NTRK3: variants seen among roughly 807,000 people sequenced by gnomAD.
NTRK3 encodes NT-3 growth factor receptor.
A neutral mutation model predicts 91.7 loss-of-function variants in NTRK3; 24 were observed. The observed-to-expected ratio is 0.26, with a 90% confidence interval of 0.19 to 0.37. The LOEUF (loss-of-function observed/expected upper bound fraction) is 0.37, where lower values mean the gene tolerates loss of function less well. NTRK3 is among the 10% of genes least tolerant of loss of function. The pLI is 1.00. For synonymous variants in NTRK3, 483 were observed against 404.0 expected, an observed-to-expected ratio of 1.20 and a Z score of -2.34; for missense variants, 880 against 1,068.9, an observed-to-expected ratio of 0.82 and a Z score of 2.46.
At chr15:87,932,502 T>A (rs1235841026) in intron 16 of NTRK3, among the ~76,000 whole-genome samples, 4 of 152,148 alleles carry the variant, frequency 2.6e-5, no homozygotes, top group Non-Finnish European at 5.9e-5. Flanking sequence ...AGAAAATCGG[T>A]CCCCTTTTTG....
At chr15:87,979,615 T>G in intron 14 of NTRK3, 7 of 644,848 alleles carry the variant, frequency 1.1e-5, no homozygotes, top group Non-Finnish European at 1.4e-5. Context: ...AGGAGGGGAT[T>G]AACTTAAAAC....
chr15:88,101,582 G>T (rs1301539842), intron 13 of NTRK3, among the ~76,000 whole-genome samples: 1 of 152,178 alleles, frequency 6.6e-6, no homozygotes, highest in African/African-American at 2.4e-5. Flanking sequence ...GTTTATCGCG[G>T]CACTATTCAC....
chr15:87,971,380 CAGA>C (rs368861003), intron 14 of NTRK3, among the ~76,000 whole-genome samples: 42 of 152,338 alleles, frequency 2.8e-4, no homozygotes, highest in African/African-American at 9.9e-4. Flanking sequence ...GCAGTCTTGA[CAGA>C]AGTTGTTTGA....
At chr15:88,001,285 G>A (rs67835375) in intron 14 of NTRK3, among the ~76,000 whole-genome samples, 2,668 of 152,134 alleles carry the variant, frequency 0.018, 27 homozygotes, top group Middle Eastern at 0.034. Context: ...CATTCAGTGG[G>A]TTGCCTCTTC....
At chr15:88,044,360 A>G (rs1596946301) in intron 13 of NTRK3, among the ~76,000 whole-genome samples, 1 of 138,190 alleles carries the variant, frequency 7.2e-6, no homozygotes, top group Non-Finnish European at 1.5e-5. Flanking sequence ...TCCCGGGTTC[A>G]CTCCATTCTC....
intron 13 of NTRK3, among the ~76,000 whole-genome samples, chr15:88,107,889 C>T (rs1227329619): frequency 2.0e-5 from 3 of 151,844 alleles, no homozygotes; most frequent in Admixed American, 6.6e-5. Flanking sequence ...GACCAACAAG[C>T]GGGAGAGGGG....
intron 4 of NTRK3, among the ~76,000 whole-genome samples, chr15:88,183,887 A>G (rs1201332470): frequency 6.6e-6 from 1 of 151,722 alleles, no homozygotes; most frequent in African/African-American, 2.4e-5. Flanking sequence ...GAAATCTCAT[A>G]CTCCATGGGG....
At chr15:87,962,260 G>C (rs2072371592) in intron 14 of NTRK3, among the ~76,000 whole-genome samples, 1 of 152,112 alleles carries the variant, frequency 6.6e-6, no homozygotes, top group South Asian at 2.1e-4. Flanking sequence ...CTGCTCTGCT[G>C]TCTAAAGACC....
At chr15:88,168,580 C>A (rs548300564) in intron 5 of NTRK3, among the ~76,000 whole-genome samples, 34 of 152,382 alleles carry the variant, frequency 2.2e-4, no homozygotes, top group African/African-American at 8.2e-4. Context: ...CCCTTGCTGG[C>A]ATCAGCGAAG....
intron 13 of NTRK3, among the ~76,000 whole-genome samples, chr15:88,093,060 T>A (rs572290586): frequency 2.0e-5 from 3 of 150,438 alleles, no homozygotes; most frequent in Non-Finnish European, 4.4e-5. Context: ...TTTGGGGTTT[T>A]TTTTGTTTTT....
intron 14 of NTRK3, among the ~76,000 whole-genome samples, chr15:87,986,138 T>C (rs2074758460): frequency 1.3e-5 from 2 of 152,250 alleles, no homozygotes; most frequent in South Asian, 4.1e-4. Flanking sequence ...GCATCTTCTT[T>C]TCTTGCTTAA....
chr15:87,863,218 G>C (rs2064571698), exon 19 of NTRK3: 1 of 227,726 alleles, frequency 4.4e-6, no homozygotes, highest in South Asian at 1.8e-4. Context: ...GCTAAGCTAG[G>C]CTTGGTAATA....
rs1324026819 is a variant in NTRK3, at chr15:88,241,329, A to G, written c.248+14577T>C. Among the ~76,000 whole-genome samples, 1 of 152,114 alleles carries G rather than the reference A, an allele frequency of 6.6e-6. No homozygotes were observed. The highest frequency in any genetic ancestry group is 6.5e-5 in the Admixed American group (1 of 15,282). On this transcript the variant is annotated intron_variant, in intron 3 of 18. Coordinates refer to ENST00000394480, the Ensembl canonical transcript of NTRK3. The surrounding 1 kb of genome is among the most constrained non-coding windows in gnomAD (Gnocchi z 4.3). ...AACAGCAGTCCTGAGTGAGTGACAG[A>G]AGGAGGGCAGGGGGATGTCAGTCAC... is the stretch of plus-strand genomic sequence containing the variant.
At chr15:88,248,400 C>T (rs1275454973) in intron 3 of NTRK3, among the ~76,000 whole-genome samples, 2 of 152,194 alleles carry the variant, frequency 1.3e-5, no homozygotes, top group Non-Finnish European at 1.5e-5. Flanking sequence ...GTGCCTTCCC[C>T]TTATATCCCA....
chr15:88,136,465 A>G lies in NTRK3; in HGVS notation c.765+2T>C. ...GATGGGGCTGAAGCCCAGGATGCCT[A>G]CCTGGTGAGTGTTGATGGACTGCAG... On this transcript the variant is annotated splice_donor_variant, in intron 8 of 18. Transcript: ENST00000394480. LOFTEE classifies it high-confidence loss of function. 6.2e-7 allele frequency: 1 copy of G among 1,614,112 alleles called. No individual in the cohort carries two copies. Among genetic ancestry groups the G allele is most frequent in the Non-Finnish European group, 8.5e-7 (1 of 1,180,004 alleles).
At chr15:88,110,032 G>A (rs1390479716) in intron 13 of NTRK3, among the ~76,000 whole-genome samples, 1 of 152,150 alleles carries the variant, frequency 6.6e-6, no homozygotes, top group Non-Finnish European at 1.5e-5. Flanking sequence ...AGCTGAGGGT[G>A]TGGAGGCCCA....
intron 13 of NTRK3, among the ~76,000 whole-genome samples, chr15:88,107,011 T>C (rs2050784925): frequency 6.6e-6 from 1 of 151,910 alleles, no homozygotes; most frequent in African/African-American, 2.4e-5. Flanking sequence ...TATGTGCATA[T>C]GTACATATAT....
At position 87,940,199 on chromosome 15, in the gene NTRK3, G is replaced by T. The variant is rs568364993; in HGVS notation, c.1716+424C>A. On this transcript the variant is annotated intron_variant, in intron 15 of 18. Coordinates refer to ENST00000394480, the Ensembl canonical transcript of NTRK3. ...AGTGACTTCTGTGCCCTTGGGAAGT[G>T]GTTACCCAGTCCTCCTTAATCAGCC... Among the ~76,000 whole-genome samples the T allele has an allele frequency of 3.3e-5, 5 of 152,006 alleles. No individual in the cohort carries two copies. The East Asian group carries it at 7.8e-4, about 24-fold the overall frequency.
intron 10 of NTRK3, among the ~76,000 whole-genome samples, chr15:88,130,340 T>A (rs538767836): frequency 6.6e-6 from 1 of 152,194 alleles, no homozygotes; most frequent in East Asian, 1.9e-4. Flanking sequence ...AATAGAAAAA[T>A]CACCATTTCA....
Sources: allele counts gnomAD v4.1 joint callset (sites outside exome capture counted in the v4.1 genomes callset), GRCh38; gene constraint gnomAD v4.1.1; non-coding constraint Gnocchi (gnomAD v3.1); transcripts MANE v1.5; gene names NCBI Gene and HGNC (gene_info 2026-07-23, HGNC 2026-07-21).